GC: variants seen among roughly 807,000 people sequenced by gnomAD.
The protein encoded by GC is GC vitamin D binding protein.
In GC, 43 loss-of-function variants were observed where a neutral mutation model predicts 56.7. That is an observed-to-expected ratio of 0.76 (90% CI 0.59 to 0.98). The LOEUF (loss-of-function observed/expected upper bound fraction) is 0.98. Ranked by LOEUF, GC falls within the 50% of genes least tolerant of loss-of-function variation. The pLI, the probability that GC is intolerant of heterozygous loss-of-function variation, is 0.00. For synonymous variants in GC, 216 were observed against 202.7 expected (o/e 1.07, Z -0.56); for missense variants, 529 against 545.9 (o/e 0.97, Z 0.31).
chr4:71,748,117 G>A (rs908226618), intron 11 of GC, among the ~76,000 whole-genome samples: 1 of 152,108 alleles, frequency 6.6e-6, no homozygotes, highest in Non-Finnish European at 1.5e-5. Flanking sequence ...CAACCCATCT[G>A]TAAAAGGGGG....
intron 6 of GC, among the ~76,000 whole-genome samples, chr4:71,761,139 G>A (rs1194090570): frequency 6.6e-6 from 1 of 152,294 alleles, no homozygotes; most frequent in East Asian, 1.9e-4. Flanking sequence ...CTTGTTGAAT[G>A]GCTTTGCCCA....
intron 11 of GC, among the ~76,000 whole-genome samples, chr4:71,747,753 T>A (rs1322521086): frequency 6.6e-6 from 1 of 152,080 alleles, no homozygotes; most frequent in Non-Finnish European, 1.5e-5. Context: ...TAGAGAGGTG[T>A]CTAAAGTGCC....
At chr4:71,752,480 G>A (rs762221706) in intron 11 of GC, 38 bp downstream of exon 11, 1 of 1,569,786 alleles carries the variant, frequency 6.4e-7, no homozygotes, top group East Asian at 2.3e-5. Context: ...GTTCTTAAAA[G>A]ATTCTGCCAT....
chr4:71,771,547 C>A (rs1209147796), intron 1 of GC, among the ~76,000 whole-genome samples: 1 of 152,072 alleles, frequency 6.6e-6, no homozygotes, highest in Non-Finnish European at 1.5e-5. Context: ...CTCAAACACC[C>A]TCAAAACCAC....
At chr4:71,801,679 C>G (rs774894723) in intron 1 of GC, among the ~76,000 whole-genome samples, 3 of 151,992 alleles carry the variant, frequency 2.0e-5, no homozygotes, top group Non-Finnish European at 4.4e-5. Flanking sequence ...TACATGCCCA[C>G]AATTTTAAAA....
chr4:71,765,520 G>A lies in GC; in HGVS notation c.385C>T (p.Gln129Ter), dbSNP rs1372213357. ...RKLCMAALKH[Q>*]PQEFPTYVEP... ...ACGTAGGTAGGGAATTCCTGTGGCT[G>A]GTGTTTCAGAGCAGCCATGCAGAGC... The change falls in exon 4 of 13, where the codon CAG becomes TAG. Residue 129 changes from glutamine (Q) to a stop codon, truncating the protein, a stop_gained. Transcript: ENST00000273951. LOFTEE classifies it high-confidence loss of function. 5.0e-6 allele frequency: 8 copies of A among 1,613,970 alleles called. No individual in the cohort carries two copies. Among genetic ancestry groups the A allele is most frequent in the Non-Finnish European group, 6.8e-6 (8 of 1,179,914 alleles).
intron 1 of GC, among the ~76,000 whole-genome samples, chr4:71,800,832 A>T (rs1314143288): frequency 6.6e-6 from 1 of 152,148 alleles, no homozygotes; most frequent in Non-Finnish European, 1.5e-5. Context: ...TAATGATCAG[A>T]CACTTTACAC....
chr4:71,756,630 C>A lies in GC; in HGVS notation c.1034+82G>T, dbSNP rs544351882. The A allele has an allele frequency of 4.4e-4, 369 of 837,772 alleles. 1 individual carries two copies. Among genetic ancestry groups the A allele is most frequent in the Non-Finnish European group, 6.5e-4 (316 of 487,852 alleles). The allele number at this position is 837,772 out of a possible 1,614,324, so 51.9% of individuals were successfully genotyped here. On this transcript the variant is annotated intron_variant, in intron 8 of 12. Transcript: ENST00000273951. ...TATGTTTGAAATGAGTGATAGCATACCTTCCCTCCATCTGGCTGGCCCCCA... is the reference window on the plus strand; with the variant it reads ...TATGTTTGAAATGAGTGATAGCATAACTTCCCTCCATCTGGCTGGCCCCCA...
intron 4 of GC, among the ~76,000 whole-genome samples, chr4:71,764,285 A>G (rs1261618661): frequency 1.3e-5 from 2 of 152,168 alleles, no homozygotes; most frequent in African/African-American, 4.8e-5. Flanking sequence ...CTTGGCCCCC[A>G]AAACCTACTT....
chr4:71,774,902 T>C (rs1184466732), intron 1 of GC, among the ~76,000 whole-genome samples: 1 of 152,022 alleles, frequency 6.6e-6, no homozygotes, highest in Non-Finnish European at 1.5e-5. Flanking sequence ...AATTACTCTA[T>C]TGAAATTTAG....
At chr4:71,746,849 T>C (rs1171861038) in intron 11 of GC, among the ~76,000 whole-genome samples, 1 of 151,812 alleles carries the variant, frequency 6.6e-6, no homozygotes, top group African/African-American at 2.4e-5. Flanking sequence ...TAACCATTTT[T>C]GTGTTTTAAA....
chr4:71,776,910 A>T (rs188569520), intron 1 of GC, among the ~76,000 whole-genome samples: 12 of 152,014 alleles, frequency 7.9e-5, no homozygotes, highest in African/African-American at 2.9e-4. Flanking sequence ...ATGCAATCTA[A>T]TGGAGAGGAT....
intron 6 of GC, among the ~76,000 whole-genome samples, chr4:71,762,860 C>A (rs1742028314): frequency 6.6e-6 from 1 of 152,196 alleles, no homozygotes; most frequent in Non-Finnish European, 1.5e-5. Context: ...CCAATTAAAC[C>A]TCTTGCTTTT....
At chr4:71,802,176 A>G (rs59343309) in intron 1 of GC, among the ~76,000 whole-genome samples, 4,116 of 152,202 alleles carry the variant, frequency 0.027, 198 homozygotes, top group African/African-American at 0.094. Flanking sequence ...CATTTAAATT[A>G]TTTTGTTTTT....
intron 1 of GC, among the ~76,000 whole-genome samples, chr4:71,771,429 C>T (rs1048894951): frequency 2.0e-5 from 3 of 151,874 alleles, no homozygotes; most frequent in Non-Finnish European, 4.4e-5. Flanking sequence ...GCAGCATGTA[C>T]TTTTTTGGAT....
At chr4:71,802,952 A>G (rs6812328) in intron 1 of GC, among the ~76,000 whole-genome samples, 147,772 of 152,244 alleles carry the variant, frequency 0.97, 71,877 homozygotes, top group Non-Finnish European at 1. Flanking sequence ...TATAGCTTTC[A>G]CACCATCACA....
At chr4:71,793,902 T>C (rs1275175162) in intron 1 of GC, among the ~76,000 whole-genome samples, 18 of 152,240 alleles carry the variant, frequency 1.2e-4, no homozygotes. Context: ...TTTCTGCATC[T>C]ATTGAGATAA....
chr4:71,791,835 G>C lies in GC; in HGVS notation c.22-7781C>G, dbSNP rs113976357. The stretch of plus-strand genomic sequence containing the variant: ...TTCACCAACCCCTACTCCCTGACAG[G>C]CCCCTGTGTGTGATGCTCCCCGCCC... On this transcript the variant is annotated intron_variant, in intron 1 of 13. Transcript: ENST00000504199. 1.7e-4 allele frequency among the ~76,000 whole-genome samples: 26 copies of C among 152,036 alleles called. 2 individuals carry two copies. Among genetic ancestry groups the C allele is most frequent in the African/African-American group, 6.3e-4 (26 of 41,482 alleles).
rs1560706911 is a variant in GC at position 71,778,043 on chromosome 4, A to AT, written c.58+5917_58+5918insA. 2.9e-3 allele frequency among the ~76,000 whole-genome samples: 413 copies of AT among 141,454 alleles called. 1 individual carries two copies. The highest frequency in any genetic ancestry group is 0.011 in the African/African-American group (378 of 33,682). 92.8% of individuals were successfully genotyped at this position (141,454 alleles called of 152,430 possible). On this transcript the variant is annotated intron_variant, in intron 1 of 12. Transcript: ENST00000273951. ...AGAACTTAAAGTTTATATATATATAAAAAAAAACAAAATAAAACCCACATA... is the reference window on the plus strand; with the variant it reads ...AGAACTTAAAGTTTATATATATATAATAAAAAAACAAAATAAAACCCACATA...
Sources: allele counts gnomAD v4.1 joint callset (sites outside exome capture counted in the v4.1 genomes callset), GRCh38; gene constraint gnomAD v4.1.1; transcripts MANE v1.5; gene names NCBI Gene and HGNC (gene_info 2026-07-23, HGNC 2026-07-21).